Variants in SLX4 observed in about 807,000 individuals in gnomAD.
SLX4 encodes the protein SLX4 structure-specific endonuclease subunit.
A neutral mutation model predicts 146.2 loss-of-function variants in SLX4; 112 were observed. That is an observed-to-expected ratio of 0.77 (90% confidence interval 0.66 to 0.90). The LOEUF (loss-of-function observed/expected upper bound fraction) is 0.90, where lower values mean the gene tolerates loss of function less well. SLX4 is among the 40% of genes least tolerant of loss of function. SLX4 has a pLI of 0.00. For synonymous variants in SLX4, 1,061 were observed against 997.7 expected (o/e 1.06, Z -1.20); for missense variants, 2,563 against 2,392.7 (o/e 1.07, Z -1.49).
intron 9 of SLX4, among the ~76,000 whole-genome samples, chr16:3,595,171 G>GCA (rs1167062019): frequency 6.6e-6 from 1 of 152,236 alleles, no homozygotes. Context: ...AGGCCAGGCT[G>GCA]CTCAGCTGTG....
At position 3,590,004 on chromosome 16, in the gene SLX4, C is replaced by T. The variant is rs574844562; in HGVS notation, c.3634G>A (p.Ala1212Thr). 1.5e-4 allele frequency: 241 copies of T among 1,614,098 alleles called. 2 individuals are homozygous for T. The South Asian group carries it at 2.1e-3, about 14-fold the overall frequency. ...CCCTCATCCTCCTGCTGCAGCACAGCTTCGCTTCTTGGTGGGCTCTGGGAA... is the reference window on the plus strand; with the variant it reads ...CCCTCATCCTCCTGCTGCAGCACAGTTTCGCTTCTTGGTGGGCTCTGGGAA... ...EPSQSPPRSEAVLQQEDEGAL... is the reference protein window; with the variant it reads ...EPSQSPPRSETVLQQEDEGAL... Residue 1212 changes from alanine (A) to threonine (T), a missense_variant, in exon 12 of 15, where the codon GCT (alanine) becomes ACT (threonine). Transcript: ENST00000294008. This position sits in a 1 kb window ranked among gnomAD's most constrained non-coding sequence, Gnocchi z 4.8.
chr16:3,583,450 C>T lies in SLX4; in HGVS notation c.4800G>A (p.Gln1600=), dbSNP rs778184758. 6.2e-7 allele frequency: 1 copy of T among 1,614,150 alleles called. No homozygotes were observed. The highest frequency in any genetic ancestry group is 8.5e-7 in the Non-Finnish European group (1 of 1,180,034). ...QMVLKLKEIF[Q]YTHQTLDSDS... is the part of the protein sequence containing the mutation. ...CTGAGTCCAGGGTCTGGTGAGTGTA[C>T]TGGAATATCTCCTTCAGCTTCAGAA... The change falls in exon 14 of 15, where the codon CAG becomes CAA. Residue 1600 remains glutamine, a synonymous_variant. Transcript: ENST00000294008.
At chr16:3,611,318 G>C (rs368852519) in intron 1 of SLX4, among the ~76,000 whole-genome samples, 13 of 152,342 alleles carry the variant, frequency 8.5e-5, no homozygotes, top group African/African-American at 2.9e-4. Context: ...TGGCCCGGAC[G>C]GAGACCACCG....
intron 5 of SLX4, among the ~76,000 whole-genome samples, chr16:3,599,758 T>G (rs2040706043): frequency 6.6e-6 from 1 of 152,142 alleles, no homozygotes; most frequent in South Asian, 2.1e-4. Context: ...AGCTAATTTT[T>G]TAATTTTTTG....
chr16:3,591,102 C>G lies in SLX4; in HGVS notation c.2536G>C (p.Val846Leu), dbSNP rs1024580926. ...SKDHEEDQEN[V>L]NEAEMEEIYE... Reference sequence around the variant, plus strand: ...ATTTCTTCCATTTCTGCTTCATTCACGTTTTCTTGATCTTCTTCGTGGTCC... The same window carrying G: ...ATTTCTTCCATTTCTGCTTCATTCAGGTTTTCTTGATCTTCTTCGTGGTCC... The change falls in exon 12 of 15, where the codon GTG becomes CTG. Residue 846 changes from valine (V) to leucine (L), a missense_variant. By Grantham distance (32) the Val-to-Leu change is conservative. Transcript: ENST00000294008. 6.2e-7 allele frequency: 1 copy of G among 1,614,214 alleles called. No homozygotes were observed. Among genetic ancestry groups the G allele is most frequent in the Non-Finnish European group, 8.5e-7 (1 of 1,180,038 alleles).
chr16:3,587,600 T>A (rs1285797974), intron 12 of SLX4, among the ~76,000 whole-genome samples: 1 of 152,192 alleles, frequency 6.6e-6, no homozygotes, highest in African/African-American at 2.4e-5. Flanking sequence ...GGCCGCAGCG[T>A]CGTCCTGAAG....
In SLX4 at chr16:3,606,527, G is replaced by A. The variant is rs200803578; in HGVS notation, c.707C>T (p.Ala236Val). 5.6e-6 allele frequency: 9 copies of A among 1,614,122 alleles called. No homozygotes were observed. Among genetic ancestry groups the A allele is most frequent in the Non-Finnish European group, 7.6e-6 (9 of 1,180,022 alleles). Residue 236 changes from alanine (A) to valine (V), a missense_variant, in exon 3 of 15, where the codon GCG (alanine) becomes GTG (valine). By Grantham distance (64) the Ala-to-Val change is moderately conservative. Coordinates refer to ENST00000294008, the MANE Select transcript of SLX4 (RefSeq NM_032444.4). ...HASEECSLEA[A>V]REENVPKDPQ... Reference sequence around the variant, plus strand: ...ATCCTTTGGGACATTTTCTTCCCGCGCAGCCTCGAGGGAGCACTCTTCTGA... The same window carrying A: ...ATCCTTTGGGACATTTTCTTCCCGCACAGCCTCGAGGGAGCACTCTTCTGA...
At position 3,590,927 on chromosome 16, in the gene SLX4, T is replaced by C. The variant is rs2040583321; in HGVS notation, c.2711A>G (p.Glu904Gly). The C allele has an allele frequency of 6.2e-7, 1 of 1,613,992 alleles. No individual in the cohort carries two copies. The highest frequency in any genetic ancestry group is 8.5e-7 in the Non-Finnish European group (1 of 1,180,022). The stretch of plus-strand genomic sequence containing the variant: ...TCCTGGCTCCAACGGCTCCATCTCC[T>C]CCACCTTGTCCCACTGTTTCTGCAC... The part of the protein sequence containing the change: ...VQVQKQWDKV[E>G]EMEPLEPGRD... The change falls in exon 12 of 15, where the codon GAG becomes GGG. Residue 904 changes from glutamate to glycine, a missense_variant. By Grantham distance (98) the Glu-to-Gly change is moderately conservative (BLOSUM62 -2). Coordinates refer to ENST00000294008, the MANE Select transcript of SLX4 (RefSeq NM_032444.4). The surrounding 1 kb of genome is among the most constrained non-coding windows in gnomAD (Gnocchi z 4.8).
Position 3,592,695 on chromosome 16 carries a change from A to C in SLX4, c.2327+4T>G. ...AATTTCAAAAGCTGGGGAGCAATCC[A>C]GACCTGTGGGCCAGGGAGCTCAGCT... On this transcript the variant is annotated splice_donor_region_variant and intron_variant, in intron 11 of 14. Transcript: ENST00000294008. The C allele has an allele frequency of 6.2e-7, 1 of 1,612,720 alleles. No individual in the cohort carries two copies. Among genetic ancestry groups the C allele is most frequent in the Non-Finnish European group, 8.5e-7 (1 of 1,179,740 alleles).
Position 3,609,339 on chromosome 16 carries a change from C to T in SLX4, c.-375G>A, listed in dbSNP as rs1458592168. 2.6e-5 allele frequency: 6 copies of T among 232,708 alleles called. No individual in the cohort carries two copies. The highest frequency in any genetic ancestry group is 8.6e-5 in the East Asian group (1 of 11,662). The allele number at this position is 232,708 out of a possible 1,614,324, so 14.4% of individuals were successfully genotyped here. ...AAGAGAATCGCTTGAACCTGGGAGG[C>T]GGAGATTGCAGTGAGCCGAGATCGT... On this transcript the variant is annotated 5_prime_UTR_variant, in exon 2 of 15. Transcript: ENST00000294008.
chr16:3,587,484 A>C (rs2040521264), intron 12 of SLX4, among the ~76,000 whole-genome samples: 1 of 152,164 alleles, frequency 6.6e-6, no homozygotes. Context: ...GACACATTGG[A>C]AACAGTCAGA....
intron 1 of SLX4, among the ~76,000 whole-genome samples, chr16:3,611,088 C>G (rs971875229): frequency 6.6e-6 from 1 of 152,222 alleles, no homozygotes; most frequent in East Asian, 1.9e-4. Context: ...CTGCAGGTTT[C>G]CAGAGGGAAG....
At position 3,582,171 on chromosome 16, in the gene SLX4, G is replaced by C. The variant is rs2040443263; in HGVS notation, c.*171C>G. The C allele has an allele frequency of 3.2e-6, 2 of 620,904 alleles. No individual in the cohort carries two copies. Among genetic ancestry groups the C allele is most frequent in the Admixed American group, 2.8e-5 (1 of 35,970 alleles). 38.5% of individuals were successfully genotyped at this position (620,904 alleles called of 1,614,324 possible). ...ACCCTAGAAAGCAGAGCCCAGAGGA[G>C]GAAGCCCTGGATTGGGCTGTGGTCA... On this transcript the variant is annotated 3_prime_UTR_variant, in exon 15 of 15. Transcript: ENST00000294008.
At chr16:3,594,021 G>A (rs576238146) in intron 10 of SLX4, among the ~76,000 whole-genome samples, 15 of 151,940 alleles carry the variant, frequency 9.9e-5, no homozygotes, top group Admixed American at 1.3e-4. Context: ...ACAGGCGCCC[G>A]CCACCATGCC....
chr16:3,608,984 TC>T lies in SLX4; in HGVS notation c.-21del. 6.2e-7 allele frequency: 1 copy of T among 1,609,588 alleles called. No homozygotes were observed. The highest frequency in any genetic ancestry group is 8.5e-7 in the Non-Finnish European group (1 of 1,179,678). ...TTTCATTAGGGTTCTTCTCTACTTC[TC>T]CATTAGATACTTGGAGAGTTTGCAC... is the stretch of plus-strand genomic sequence containing the variant. On this transcript the variant is annotated 5_prime_UTR_variant, in exon 2 of 15. The change abolishes the stop of an existing upstream ORF in the 5' untranslated region. Coordinates refer to ENST00000294008, the MANE Select transcript of SLX4 (RefSeq NM_032444.4).
At chr16:3,601,764 A>G (rs1462448414) in intron 4 of SLX4, 1 of 344,518 alleles carries the variant, frequency 2.9e-6, no homozygotes, top group Admixed American at 4.3e-5. Flanking sequence ...CGGCAAATCC[A>G]TCCAGACAGA....
At chr16:3,596,835 T>TC (rs1280434370) in intron 7 of SLX4, among the ~76,000 whole-genome samples, 1 of 151,766 alleles carries the variant, frequency 6.6e-6, no homozygotes, top group Non-Finnish European at 1.5e-5. Context: ...TTTTTTTTTT[T>TC]TTTTCAAGAC....
In SLX4 at chr16:3,602,108, C is replaced by A; in HGVS notation, c.950+10G>T. On this transcript the variant is annotated intron_variant, in intron 4 of 14. Transcript: ENST00000294008. Reference sequence around the variant, plus strand: ...TACACGGGAGAGGCGACGGCCCAAGCTGCCCCCACCTGTTCACATGCTGTT... The same window carrying A: ...TACACGGGAGAGGCGACGGCCCAAGATGCCCCCACCTGTTCACATGCTGTT... 6.2e-7 allele frequency: 1 copy of A among 1,614,104 alleles called. No homozygotes were observed. Among genetic ancestry groups the A allele is most frequent in the Non-Finnish European group, 8.5e-7 (1 of 1,180,022 alleles).
chr16:3,586,068 C>T (rs934597695), intron 12 of SLX4, among the ~76,000 whole-genome samples: 1 of 152,066 alleles, frequency 6.6e-6, no homozygotes, highest in Non-Finnish European at 1.5e-5. Flanking sequence ...ATGGTGCAGT[C>T]ACTTTGGAAA....
Sources: allele counts gnomAD v4.1 joint callset (sites outside exome capture counted in the v4.1 genomes callset), GRCh38; gene constraint gnomAD v4.1.1; non-coding constraint Gnocchi (gnomAD v3.1); transcripts MANE v1.5; gene names NCBI Gene and HGNC (gene_info 2026-07-23, HGNC 2026-07-21).